FBXL7: variants seen among roughly 807,000 people sequenced by gnomAD.
FBXL7 encodes F-box/LRR-repeat protein 7.
A neutral mutation model predicts 38.3 loss-of-function variants in FBXL7; 12 were observed. The ratio of observed to expected loss-of-function variants is 0.31; its 90% CI spans 0.20 to 0.51. FBXL7 has a LOEUF of 0.51. FBXL7 is among the 20% of genes least tolerant of loss of function. The pLI, the probability that FBXL7 is intolerant of heterozygous loss-of-function variation, is 0.98. For synonymous variants in FBXL7, 297 were observed against 300.9 expected, an observed-to-expected ratio of 0.99 and a Z score of 0.13; for missense variants, 567 against 676.4, an observed-to-expected ratio of 0.84 and a Z score of 1.79.
intron 2 of FBXL7, among the ~76,000 whole-genome samples, chr5:15,721,469 G>C (rs1744192638): frequency 1.3e-5 from 2 of 152,254 alleles, no homozygotes; most frequent in South Asian, 4.2e-4. Flanking sequence ...TTTAGTCTTT[G>C]TGGGGCCTAT....
intron 2 of FBXL7, among the ~76,000 whole-genome samples, chr5:15,627,643 G>A (rs887307376): frequency 6.6e-6 from 1 of 152,092 alleles, no homozygotes; most frequent in Non-Finnish European, 1.5e-5. Flanking sequence ...CTGCATCCAC[G>A]AACTTTCTTT....
intron 2 of FBXL7, among the ~76,000 whole-genome samples, chr5:15,884,330 G>A (rs927640164): frequency 3.3e-5 from 5 of 151,444 alleles, no homozygotes; most frequent in African/African-American, 4.9e-5. Context: ...GCAGTGGTGC[G>A]ATCTCGGCTC....
chr5:15,889,237 A>C (rs946556510), intron 2 of FBXL7, among the ~76,000 whole-genome samples: 2 of 152,206 alleles, frequency 1.3e-5, no homozygotes, highest in African/African-American at 4.8e-5. Context: ...TCAGTGGTTA[A>C]AGATTCACAG....
At position 15,901,648 on chromosome 5, in the gene FBXL7, C is replaced by A. The variant is rs540867314; in HGVS notation, c.128-26242C>A. Among the ~76,000 whole-genome samples the A allele has an allele frequency of 5.3e-5, 8 of 152,300 alleles. 1 individual carries two copies. The Middle Eastern group carries it at 0.014, about 259-fold the overall frequency. On this transcript the variant is annotated intron_variant, in intron 2 of 3. Transcript: ENST00000504595. ...AAATGGGATGAAGCTAAAGTTAGAT[C>A]TTACTGCTAAATTTTTCACAAAGTA...
At chr5:15,640,030 C>T (rs943696705) in intron 2 of FBXL7, among the ~76,000 whole-genome samples, 1 of 152,132 alleles carries the variant, frequency 6.6e-6, no homozygotes, top group Non-Finnish European at 1.5e-5. Flanking sequence ...GATTGCATTT[C>T]ACAATGTCTT....
chr5:15,535,483 G>A (rs1737558907), intron 1 of FBXL7, among the ~76,000 whole-genome samples: 1 of 152,216 alleles, frequency 6.6e-6, no homozygotes, highest in South Asian at 2.1e-4. Flanking sequence ...GGAACTTATT[G>A]TGAACTGGAG....
intron 3 of FBXL7, among the ~76,000 whole-genome samples, chr5:15,935,593 T>C (rs373792796): frequency 2.6e-5 from 4 of 151,964 alleles, no homozygotes; most frequent in Admixed American, 6.6e-5. Context: ...CAAATAGGGG[T>C]GTGGGGAATC....
chr5:15,805,368 C>T (rs1234585642), intron 2 of FBXL7, among the ~76,000 whole-genome samples: 1 of 152,158 alleles, frequency 6.6e-6, no homozygotes, highest in African/African-American at 2.4e-5. Flanking sequence ...TTTATATCCT[C>T]AAATTTCACT....
intron 2 of FBXL7, among the ~76,000 whole-genome samples, chr5:15,789,712 C>T (rs1349628026): frequency 6.6e-6 from 1 of 152,188 alleles, no homozygotes; most frequent in Admixed American, 6.5e-5. Context: ...AATCTTCTTC[C>T]CATCACTTCA....
chr5:15,525,963 G>C (rs1737241130), intron 1 of FBXL7, among the ~76,000 whole-genome samples: 3 of 152,194 alleles, frequency 2.0e-5, no homozygotes, highest in South Asian at 4.1e-4. Context: ...CATACACAGA[G>C]ATGTGGACCA....
chr5:15,666,934 G>A (rs1179577206), intron 2 of FBXL7, among the ~76,000 whole-genome samples: 1 of 152,122 alleles, frequency 6.6e-6, no homozygotes, highest in African/African-American at 2.4e-5. Context: ...TCAATTATTA[G>A]TGTGACGTCA....
chr5:15,836,148 G>A (rs570744756), intron 2 of FBXL7, among the ~76,000 whole-genome samples: 109 of 152,228 alleles, frequency 7.2e-4, no homozygotes, highest in Non-Finnish European at 1.3e-3. Flanking sequence ...CATGGTTCTT[G>A]TATCTTATCA....
intron 1 of FBXL7, among the ~76,000 whole-genome samples, chr5:15,503,043 T>A (rs988913641): frequency 1.9e-4 from 29 of 152,340 alleles, no homozygotes; most frequent in African/African-American, 7.0e-4. Flanking sequence ...AGAAGTACTC[T>A]GTACTTCTAT....
At chr5:15,694,716 C>T (rs1743280100) in intron 2 of FBXL7, among the ~76,000 whole-genome samples, 1 of 152,072 alleles carries the variant, frequency 6.6e-6, no homozygotes, top group African/African-American at 2.4e-5. Context: ...ATGAAATAAC[C>T]TATTCATACG....
intron 2 of FBXL7, among the ~76,000 whole-genome samples, chr5:15,921,119 C>T (rs1343181400): frequency 3.9e-5 from 6 of 152,164 alleles, no homozygotes; most frequent in Admixed American, 6.5e-5. Context: ...CAGTGGCTCA[C>T]GCCTGTAATC....
intron 1 of FBXL7, among the ~76,000 whole-genome samples, chr5:15,553,486 C>T (rs1738144940): frequency 6.6e-6 from 1 of 152,186 alleles, no homozygotes; most frequent in South Asian, 2.1e-4. Flanking sequence ...CTTATATCTT[C>T]TACTCGACCA....
chr5:15,624,268 A>G (rs1237120883), intron 2 of FBXL7, among the ~76,000 whole-genome samples: 2 of 152,216 alleles, frequency 1.3e-5, no homozygotes, highest in Admixed American at 6.5e-5. Flanking sequence ...GTGGGGCCTA[A>G]TGGGCCGTGT....
chr5:15,566,124 T>C (rs1738565525), intron 1 of FBXL7, among the ~76,000 whole-genome samples: 1 of 152,088 alleles, frequency 6.6e-6, no homozygotes, highest in Admixed American at 6.6e-5. Flanking sequence ...ATCTCTTCTA[T>C]GTCCTGTATT....
chr5:15,525,352 C>T (rs183695713), intron 1 of FBXL7, among the ~76,000 whole-genome samples: 8 of 152,204 alleles, frequency 5.3e-5, no homozygotes, highest in Non-Finnish European at 7.4e-5. Flanking sequence ...TTAATGAATA[C>T]GAATCTAAAC....
Sources: allele counts gnomAD v4.1 joint callset (sites outside exome capture counted in the v4.1 genomes callset), GRCh38; gene constraint gnomAD v4.1.1; transcripts MANE v1.5; gene names NCBI Gene and HGNC (gene_info 2026-07-23, HGNC 2026-07-21).